LCOR: variants seen among roughly 807,000 people sequenced by gnomAD.
LCOR encodes ligand dependent nuclear receptor corepressor.
In LCOR, 14 loss-of-function variants were observed where a neutral mutation model predicts 64.4. That is an observed-to-expected ratio of 0.22 (90% confidence interval 0.14 to 0.34). The LOEUF is 0.34. Among genes scored for constraint, LCOR ranks in the 10% least tolerant of loss-of-function variants. The pLI is 1.00. For missense variants in LCOR, 1,686 were observed against 1,765.3 expected (o/e 0.96, Z 0.80); for synonymous variants, 643 against 642.5 (o/e 1.00, Z -0.01).
chr10:96,874,094 A>G (rs1846123105), intron 2 of LCOR, among the ~76,000 whole-genome samples: 1 of 152,232 alleles, frequency 6.6e-6, no homozygotes, highest in South Asian at 2.1e-4. Context: ...AACATTAGAT[A>G]TAGTCCAAAA....
At chr10:96,886,777 T>TA (rs1295878702) in intron 2 of LCOR, among the ~76,000 whole-genome samples, 3 of 152,230 alleles carry the variant, frequency 2.0e-5, no homozygotes, top group Non-Finnish European at 4.4e-5. Context: ...TTAGACTAGA[T>TA]ACTGAGGTAT....
intron 2 of LCOR, among the ~76,000 whole-genome samples, chr10:96,837,307 A>G (rs537032967): frequency 6.6e-6 from 1 of 151,914 alleles, no homozygotes; most frequent in African/African-American, 2.4e-5. Context: ...CCCAGGCTGG[A>G]GTGCAGTGGC....
intron 2 of LCOR, among the ~76,000 whole-genome samples, chr10:96,851,669 G>T (rs1845723668): frequency 1.3e-5 from 2 of 152,172 alleles, no homozygotes; most frequent in Non-Finnish European, 2.9e-5. Context: ...CCATCCAGAA[G>T]AATTCCTCCA....
intron 4 of LCOR, among the ~76,000 whole-genome samples, chr10:96,935,440 C>T (rs1042113438): frequency 7.9e-5 from 12 of 152,098 alleles, no homozygotes; most frequent in Admixed American, 1.3e-4. Flanking sequence ...TAAGCCACTG[C>T]GCCTGGTCAT....
chr10:96,941,439 G>A, intron 4 of LCOR, among the ~76,000 whole-genome samples: 1 of 142,776 alleles, frequency 7.0e-6, no homozygotes, highest in South Asian at 2.2e-4. Flanking sequence ...CTCCTGGACG[G>A]GGCGACTGGC....
chr10:96,869,245 C>T (rs372232937), intron 2 of LCOR, among the ~76,000 whole-genome samples: 2 of 152,008 alleles, frequency 1.3e-5, no homozygotes. Context: ...CAGAGTTGTG[C>T]TCTGTCACTC....
At chr10:96,949,668 G>A (rs1445820748) in intron 6 of LCOR, among the ~76,000 whole-genome samples, 2 of 152,144 alleles carry the variant, frequency 1.3e-5, no homozygotes, top group African/African-American at 4.8e-5. Flanking sequence ...ACTAGCACCT[G>A]TCTGAGAAAT....
chr10:96,981,689 C>T lies in LCOR; in HGVS notation c.1229C>T (p.Pro410Leu), dbSNP rs1848088491. The T allele has an allele frequency of 6.2e-7, 1 of 1,614,192 alleles. No individual in the cohort carries two copies. The highest frequency in any genetic ancestry group is 1.3e-5 in the African/African-American group (1 of 75,046). The stretch of plus-strand genomic sequence containing the variant: ...AATAAGGTGGGTTACCATTTACATC[C>T]CAGTGATAAGGGCCAGTTTGATCAT... Reference protein sequence around the residue: ...GRNKVGYHLHPSDKGQFDHSK... With the variant: ...GRNKVGYHLHLSDKGQFDHSK... Residue 410 changes from proline (P) to leucine (L), a missense_variant, in exon 8 of 8, where the codon CCC becomes CTC. Transcript: ENST00000421806.
chr10:96,910,273 C>T (rs1846806578), intron 4 of LCOR, among the ~76,000 whole-genome samples: 1 of 152,170 alleles, frequency 6.6e-6, no homozygotes, highest in Admixed American at 6.5e-5. Flanking sequence ...AACTGTTTTA[C>T]TGTTTGTAGT....
intron 7 of LCOR, chr10:96,960,041 T>G (rs939409323): frequency 6.6e-6 from 1 of 152,200 alleles, no homozygotes; most frequent in Non-Finnish European, 1.5e-5. Context: ...TGGGATCAGA[T>G]GGTAAAACTA....
At chr10:96,901,639 C>G (rs977938273) in intron 2 of LCOR, among the ~76,000 whole-genome samples, 1 of 152,158 alleles carries the variant, frequency 6.6e-6, no homozygotes, top group African/African-American at 2.4e-5. Context: ...TCTAAAAATC[C>G]TATTTTACAG....
intron 7 of LCOR, chr10:96,960,234 A>C (rs553372085): frequency 6.6e-6 from 1 of 152,408 alleles, no homozygotes; most frequent in Admixed American, 6.5e-5. Flanking sequence ...ACACAGTGCC[A>C]GGCCTGGTTC....
chr10:96,910,358 A>G (rs1021835952), intron 4 of LCOR, among the ~76,000 whole-genome samples: 12 of 152,184 alleles, frequency 7.9e-5, no homozygotes, highest in Non-Finnish European at 1.5e-5. Flanking sequence ...TGGGAAAGCT[A>G]TTTTTCTCCG....
chr10:96,890,906 G>GA (rs778380614), intron 2 of LCOR, among the ~76,000 whole-genome samples: 13 of 152,218 alleles, frequency 8.5e-5, no homozygotes, highest in African/African-American at 2.9e-4. Context: ...ATAATTCCAT[G>GA]ATGGATGGTC....
chr10:96,958,318 A>C, intron 7 of LCOR: 1 of 1,525,214 alleles, frequency 6.6e-7, no homozygotes, highest in South Asian at 1.2e-5. Flanking sequence ...AGTCTATATA[A>C]GTGATGTATG....
At chr10:96,875,612 A>T (rs1846150741) in intron 2 of LCOR, among the ~76,000 whole-genome samples, 1 of 152,120 alleles carries the variant, frequency 6.6e-6, no homozygotes, top group Non-Finnish European at 1.5e-5. Flanking sequence ...CTGTAATCCC[A>T]GCTCTTTGGG....
chr10:96,926,891 T>A (rs1225131068), intron 4 of LCOR, among the ~76,000 whole-genome samples: 2 of 152,204 alleles, frequency 1.3e-5, no homozygotes, highest in Non-Finnish European at 1.5e-5. Context: ...GCTGAGTAGT[T>A]CTCCATAGCA....
intron 4 of LCOR, among the ~76,000 whole-genome samples, chr10:96,920,577 C>CAT (rs747228823): frequency 7.7e-6 from 1 of 130,316 alleles, no homozygotes; most frequent in East Asian, 2.3e-4. Flanking sequence ...TATGTATATT[C>CAT]ATATATATGT....
At chr10:96,876,569 C>T (rs1043375585) in intron 2 of LCOR, among the ~76,000 whole-genome samples, 2 of 152,144 alleles carry the variant, frequency 1.3e-5, no homozygotes, top group Non-Finnish European at 2.9e-5. Flanking sequence ...TAATACATAA[C>T]TTTCTGCCAT....
Sources: allele counts gnomAD v4.1 joint callset (sites outside exome capture counted in the v4.1 genomes callset), GRCh38; gene constraint gnomAD v4.1.1; transcripts MANE v1.5; gene names NCBI Gene and HGNC (gene_info 2026-07-23, HGNC 2026-07-21).